The following FAR2 variants were observed in gnomAD, a reference collection of about 807,000 sequenced individuals.
FAR2 encodes the protein epididymis secretory protein Li 81.
A neutral mutation model predicts 56.0 loss-of-function variants in FAR2; 19 were observed. The ratio of observed to expected loss-of-function variants is 0.34; its 90% CI spans 0.24 to 0.50. The LOEUF is 0.50. Ranked by LOEUF, FAR2 falls within the 20% of genes least tolerant of loss-of-function variation. The pLI is 0.98. For synonymous variants in FAR2, 219 were observed against 218.8 expected, an observed-to-expected ratio of 1.00 and a Z score of -0.01; for missense variants, 508 against 642.2, an observed-to-expected ratio of 0.79 and a Z score of 2.26.
At chr12:29,217,386 A>T (rs1947635115) in intron 1 of FAR2, among the ~76,000 whole-genome samples, 1 of 152,164 alleles carries the variant, frequency 6.6e-6, no homozygotes, top group African/African-American at 2.4e-5. Context: ...CAAAACATAG[A>T]GCTGATTCTT....
chr12:29,249,877 C>T (rs2136675178), intron 1 of FAR2, among the ~76,000 whole-genome samples: 1 of 152,288 alleles, frequency 6.6e-6, no homozygotes, highest in East Asian at 1.9e-4. Flanking sequence ...ACCAATTTCT[C>T]TTACCTCTTA....
At chr12:29,160,953 C>T (rs574368043) in intron 1 of FAR2, among the ~76,000 whole-genome samples, 1 of 151,888 alleles carries the variant, frequency 6.6e-6, no homozygotes, top group Non-Finnish European at 1.5e-5. Flanking sequence ...CCCATAACAC[C>T]CAGGAAATTA....
chr12:29,182,948 T>G (rs1265822720), intron 1 of FAR2, among the ~76,000 whole-genome samples: 1 of 151,854 alleles, frequency 6.6e-6, no homozygotes, highest in Admixed American at 6.6e-5. Flanking sequence ...CTTTTTTTTT[T>G]TTTTTTTTAC....
intron 1 of FAR2, among the ~76,000 whole-genome samples, chr12:29,259,703 A>G (rs937828183): frequency 6.6e-6 from 1 of 152,252 alleles, no homozygotes; most frequent in African/African-American, 2.4e-5. Context: ...AGAGAAATGA[A>G]AAATCTAACC....
intron 2 of FAR2, among the ~76,000 whole-genome samples, chr12:29,273,736 A>T (rs1454546094): frequency 6.6e-6 from 1 of 152,240 alleles, no homozygotes; most frequent in Non-Finnish European, 1.5e-5. Context: ...AGGCTGTAAG[A>T]ATCTGCACTT....
At chr12:29,331,388 A>G (rs940227047) in intron 10 of FAR2, 2 of 152,106 alleles carry the variant, frequency 1.3e-5, no homozygotes, top group Admixed American at 1.3e-4. Context: ...TCCATTTTCC[A>G]GGCCATTCTC....
chr12:29,322,911 G>A (rs566721320), intron 10 of FAR2, among the ~76,000 whole-genome samples: 3 of 152,118 alleles, frequency 2.0e-5, no homozygotes, highest in Non-Finnish European at 2.9e-5. Flanking sequence ...GCCCTGCTTC[G>A]GCTCACGCAC....
At chr12:29,238,744 C>T (rs1467896221) in intron 1 of FAR2, among the ~76,000 whole-genome samples, 3 of 152,088 alleles carry the variant, frequency 2.0e-5, no homozygotes, top group Non-Finnish European at 4.4e-5. Context: ...TTATATATTT[C>T]AACCAAGGAA....
At chr12:29,299,213 C>CAGAAAAAAAAAAAAAAAAAAAAA (rs1565512259) in intron 4 of FAR2, among the ~76,000 whole-genome samples, 2 of 103,568 alleles carry the variant, frequency 1.9e-5, no homozygotes, top group African/African-American at 7.7e-5. Flanking sequence ...AACTTTGTCT[C>CAGAAAAAAAAAAAAAAAAAAAAA]AAAAAAAAAA....
chr12:29,171,495 AC>A, intron 1 of FAR2: 1 of 133,668 alleles, frequency 7.5e-6, no homozygotes, highest in East Asian at 2.3e-4. Flanking sequence ...CGGCTGCCCA[AC>A]CATCTGGGAA....
chr12:29,288,629 G>A (rs1160021522), intron 2 of FAR2, among the ~76,000 whole-genome samples: 1 of 151,980 alleles, frequency 6.6e-6, no homozygotes. Context: ...AAAAATAGAA[G>A]GTCTGCTATA....
rs1949338177 is a variant in FAR2, at chr12:29,310,949, C to T, written c.769-79C>T. On this transcript the variant is annotated intron_variant, in intron 6 of 11. Coordinates refer to ENST00000536681, the MANE Select transcript of FAR2 (RefSeq NM_001271783.2). ...GTTTTCACTTATTGCACTAGTATAA[C>T]CAGTTTGATGATACATACTTTAGCC... The T allele has an allele frequency of 1.2e-5, 12 of 1,029,966 alleles. No homozygotes were observed. In the South Asian group the frequency reaches 1.6e-4, roughly 13 times the overall value. The allele number at this position is 1,029,966 out of a possible 1,614,324, so 63.8% of individuals were successfully genotyped here. A position where few individuals can be genotyped will look rare whatever the true frequency, so the allele number is the denominator to read the frequency against.
chr12:29,321,748 A>ATCCCT, intron 9 of FAR2, 47 bp from the exon 10 acceptor site: 1 of 1,599,180 alleles, frequency 6.3e-7, no homozygotes, highest in Non-Finnish European at 8.5e-7. Flanking sequence ...GTAGAGTGAC[A>ATCCCT]GGGAAGTGGT....
intron 4 of FAR2, among the ~76,000 whole-genome samples, chr12:29,305,260 A>G (rs1246207046): frequency 6.6e-6 from 1 of 152,052 alleles, no homozygotes; most frequent in Non-Finnish European, 1.5e-5. Context: ...CAGCCTCCTG[A>G]GTAGCTGGAA....
At chr12:29,158,305 A>G (rs1200765066) in intron 1 of FAR2, among the ~76,000 whole-genome samples, 2 of 152,232 alleles carry the variant, frequency 1.3e-5, no homozygotes, top group African/African-American at 4.8e-5. Context: ...CCTGAAGCTA[A>G]GCACATGATC....
At chr12:29,179,279 A>G (rs1171316006) in intron 1 of FAR2, among the ~76,000 whole-genome samples, 1 of 152,194 alleles carries the variant, frequency 6.6e-6, no homozygotes, top group Non-Finnish European at 1.5e-5. Context: ...TGATGTCAAT[A>G]TTCAGAAAGT....
intron 1 of FAR2, among the ~76,000 whole-genome samples, chr12:29,173,866 G>A (rs780423781): frequency 6.6e-6 from 1 of 152,128 alleles, no homozygotes; most frequent in Non-Finnish European, 1.5e-5. Context: ...ACCACAAGGA[G>A]GACTGAGGAA....
chr12:29,195,862 C>T (rs947112389), intron 1 of FAR2, among the ~76,000 whole-genome samples: 45 of 152,238 alleles, frequency 3.0e-4, no homozygotes, highest in African/African-American at 6.3e-4. Context: ...ACCTTCCCCT[C>T]GTCCTTCTGA....
At chr12:29,230,258 T>C (rs1947835761) in intron 1 of FAR2, among the ~76,000 whole-genome samples, 1 of 151,160 alleles carries the variant, frequency 6.6e-6, no homozygotes, top group African/African-American at 2.4e-5. Context: ...GCAGGTGAGG[T>C]GGGTATTACA....
Sources: gnomAD v4.1 joint callset for allele counts (sites outside exome capture counted in the v4.1 genomes callset) on GRCh38, gnomAD v4.1.1 for gene constraint, MANE v1.5 for transcripts, NCBI Gene and HGNC (gene_info 2026-07-23, HGNC 2026-07-21) for gene names.